HS6ST2: variants seen among roughly 807,000 people sequenced by gnomAD.
The protein encoded by HS6ST2 is heparan-sulfate 6-O-sulfotransferase 2.
HS6ST2 carries 17 observed loss-of-function variants against 33.0 expected under a neutral mutation model. The ratio of observed to expected loss-of-function variants is 0.52; its 90% confidence interval spans 0.35 to 0.77. HS6ST2 has a LOEUF of 0.77. HS6ST2 is among the 30% of genes least tolerant of loss of function. The pLI is 0.01. For synonymous variants in HS6ST2, 248 were observed against 237.1 expected (o/e 1.05, Z -0.42); for missense variants, 519 against 551.7 (o/e 0.94, Z 0.59).
At chrX:132,705,569 C>G (rs2064183264) in intron 3 of HS6ST2, among the ~76,000 whole-genome samples, 1 of 112,050 alleles carries the variant, frequency 8.9e-6, no homozygotes, top group Non-Finnish European at 1.9e-5. Context: ...CCATTATCGA[C>G]TGTTTACTAT....
chrX:132,909,313 C>T (rs1455767939), intron 2 of HS6ST2, among the ~76,000 whole-genome samples: 1 of 112,488 alleles, frequency 8.9e-6, no homozygotes, highest in Non-Finnish European at 1.9e-5. Flanking sequence ...GAGTTGAACA[C>T]GCTCTTGTTT....
At chrX:132,936,922 T>C in intron 2 of HS6ST2, among the ~76,000 whole-genome samples, 1 of 110,597 alleles carries the variant, frequency 9.0e-6, no homozygotes, top group East Asian at 2.8e-4. Flanking sequence ...AGTCAAATTG[T>C]CTCTGTTTGC....
intron 2 of HS6ST2, among the ~76,000 whole-genome samples, chrX:132,716,235 C>A (rs1209393147): frequency 9.0e-6 from 1 of 111,565 alleles, no homozygotes; most frequent in Non-Finnish European, 1.9e-5. Flanking sequence ...AATTAACAAT[C>A]TAGACACTGA....
intron 2 of HS6ST2, among the ~76,000 whole-genome samples, chrX:132,874,669 C>T (rs974805204): frequency 8.9e-6 from 1 of 111,893 alleles, no homozygotes; most frequent in Admixed American, 9.5e-5. Context: ...ACACAACAGC[C>T]CAGGATGCCA....
At chrX:132,666,049 T>C (rs1301790412) in intron 4 of HS6ST2, among the ~76,000 whole-genome samples, 1 of 112,021 alleles carries the variant, frequency 8.9e-6, no homozygotes, top group African/African-American at 3.2e-5. Context: ...AATTAGACAT[T>C]TCATTTTAGC....
At chrX:132,775,681 G>A (rs2064950619) in intron 2 of HS6ST2, among the ~76,000 whole-genome samples, 1 of 111,676 alleles carries the variant, frequency 9.0e-6, no homozygotes, top group African/African-American at 3.3e-5. Context: ...ATGGCAAGCC[G>A]ATTGAGCTCA....
At chrX:132,770,981 C>CT (rs973713763) in intron 2 of HS6ST2, among the ~76,000 whole-genome samples, 2 of 111,813 alleles carry the variant, frequency 1.8e-5, no homozygotes, top group Non-Finnish European at 3.8e-5. Context: ...AGCCATTAAA[C>CT]TTTTTATTTT....
chrX:132,803,095 G>C (rs192109693), intron 2 of HS6ST2, among the ~76,000 whole-genome samples: 4 of 111,298 alleles, frequency 3.6e-5, no homozygotes, highest in African/African-American at 9.8e-5. Flanking sequence ...ACAGATGTTC[G>C]GTCCAGTTCC....
chrX:132,887,735 C>T (rs761184855), intron 2 of HS6ST2, among the ~76,000 whole-genome samples: 69 of 112,110 alleles, frequency 6.2e-4, no homozygotes, highest in Admixed American at 1.7e-3. Context: ...ATTGGAAACA[C>T]TGAGGAAACA....
intron 2 of HS6ST2, among the ~76,000 whole-genome samples, chrX:132,756,503 TC>T (rs1429380789): frequency 9.1e-6 from 1 of 110,423 alleles, no homozygotes; most frequent in Non-Finnish European, 1.9e-5. Flanking sequence ...CCACCTCCTT[TC>T]CCCCTTTCTT....
chrX:132,682,066 G>C (rs984449810), intron 3 of HS6ST2, among the ~76,000 whole-genome samples: 1 of 112,398 alleles, frequency 8.9e-6, no homozygotes, highest in Non-Finnish European at 1.9e-5. Flanking sequence ...TGGTGGACCA[G>C]ATGCTACTGT....
intron 3 of HS6ST2, among the ~76,000 whole-genome samples, chrX:132,680,003 C>A (rs915435171): frequency 9.4e-6 from 1 of 106,629 alleles, no homozygotes; most frequent in African/African-American, 3.4e-5. Context: ...ACATGCTCTA[C>A]AATTTGTGCA....
intron 2 of HS6ST2, among the ~76,000 whole-genome samples, chrX:132,744,024 A>C (rs1321950761): frequency 9.0e-6 from 1 of 111,197 alleles, no homozygotes; most frequent in African/African-American, 3.3e-5. Flanking sequence ...CCTGGCCTCA[A>C]GTGATCTCCT....
At chrX:132,867,412 G>A (rs747204222) in intron 2 of HS6ST2, among the ~76,000 whole-genome samples, 1 of 110,597 alleles carries the variant, frequency 9.0e-6, no homozygotes, top group Non-Finnish European at 1.9e-5. Context: ...TTGCATCAAT[G>A]TTCATCAAGG....
chrX:132,808,200 C>T (rs2065303831), intron 2 of HS6ST2, among the ~76,000 whole-genome samples: 1 of 111,391 alleles, frequency 9.0e-6, no homozygotes, highest in African/African-American at 3.3e-5. Context: ...GGGAGATATT[C>T]CACTCAAACC....
At chrX:132,647,310 C>A (rs1444978368) in intron 4 of HS6ST2, among the ~76,000 whole-genome samples, 1 of 111,122 alleles carries the variant, frequency 9.0e-6, no homozygotes, top group East Asian at 2.9e-4. Context: ...CTTTCTCCCC[C>A]TCTATCTTCT....
intron 2 of HS6ST2, among the ~76,000 whole-genome samples, chrX:132,857,343 G>C (rs1320453838): frequency 2.7e-5 from 3 of 110,546 alleles, no homozygotes; most frequent in Non-Finnish European, 5.7e-5. Context: ...AATTAGCTGG[G>C]TGTGGTGGCG....
intron 2 of HS6ST2, among the ~76,000 whole-genome samples, chrX:132,862,836 G>A (rs1455209070): frequency 1.1e-4 from 12 of 111,942 alleles, no homozygotes; most frequent in Non-Finnish European, 1.5e-4. Context: ...TATGGTAACC[G>A]TAGTTGCAGT....
intron 2 of HS6ST2, among the ~76,000 whole-genome samples, chrX:132,950,565 G>A (rs1368172562): frequency 9.0e-6 from 1 of 111,513 alleles, no homozygotes; most frequent in Non-Finnish European, 1.9e-5. Flanking sequence ...TTTAATCAGG[G>A]TTAGAGAGGC....
Sources: gnomAD v4.1 joint callset for allele counts (sites outside exome capture counted in the v4.1 genomes callset) on GRCh38, gnomAD v4.1.1 for gene constraint, MANE v1.5 for transcripts, NCBI Gene and HGNC (gene_info 2026-07-23, HGNC 2026-07-21) for gene names.